The following ATP2B2 variants were observed in gnomAD, a reference collection of about 807,000 sequenced individuals.
ATP2B2 encodes the protein ATPase plasma membrane Ca2+ transporting 2, also known as plasma membrane calcium-transporting ATPase 2.
A neutral mutation model predicts 120.0 loss-of-function variants in ATP2B2; 15 were observed. The ratio of observed to expected loss-of-function variants is 0.12; its 90% CI spans 0.08 to 0.19. ATP2B2 has a LOEUF of 0.19. Among genes scored for constraint, ATP2B2 ranks in the 10% least tolerant of loss-of-function variants. ATP2B2 has a pLI of 1.00. For missense variants in ATP2B2, 1,045 were observed against 1,719.8 expected, an observed-to-expected ratio of 0.61 and a Z score of 6.94; for synonymous variants, 694 against 700.3, an observed-to-expected ratio of 0.99 and a Z score of 0.14.
intron 6 of ATP2B2, among the ~76,000 whole-genome samples, chr3:10,386,801 C>T (rs2061694708): frequency 6.6e-6 from 1 of 152,236 alleles, no homozygotes; most frequent in South Asian, 2.1e-4. Context: ...TCCCCATCTT[C>T]CTTCTACATG....
At chr3:10,601,712 G>A (rs1161398815) in intron 2 of ATP2B2, among the ~76,000 whole-genome samples, 1 of 152,196 alleles carries the variant, frequency 6.6e-6, no homozygotes, top group African/African-American at 2.4e-5. Flanking sequence ...GGAACGCCCA[G>A]GAGCCTGCAT....
intron 1 of ATP2B2, among the ~76,000 whole-genome samples, chr3:10,498,248 C>T (rs1438741483): frequency 1.3e-5 from 2 of 152,228 alleles, no homozygotes; most frequent in African/African-American, 4.8e-5. Context: ...TGCAGCTGGT[C>T]AGCGGCCAGG....
At chr3:10,645,411 G>A (rs2070296846) in intron 1 of ATP2B2, among the ~76,000 whole-genome samples, 1 of 152,160 alleles carries the variant, frequency 6.6e-6, no homozygotes. Context: ...GGGCTTATCA[G>A]AGAGTGTCTT....
rs1462328452 is a variant in ATP2B2 at position 10,324,289 on chromosome 3, G to A, written c.*4525C>T. The A allele has an allele frequency of 6.6e-6, 1 of 152,038 alleles. No homozygotes were observed. The highest frequency in any genetic ancestry group is 2.4e-5 in the African/African-American group (1 of 41,368). The allele number at this position is 152,038 out of a possible 1,614,324, so 9.4% of individuals were successfully genotyped here. On this transcript the variant is annotated 3_prime_UTR_variant, in exon 23 of 23. Transcript: ENST00000360273. ...AGCAAAGTGTGGTGACCCCCGAGAG[G>A]AAAGGTCCAGGAGGGAGAGCACCAC...
intron 12 of ATP2B2, among the ~76,000 whole-genome samples, chr3:10,370,801 C>T (rs1017236341): frequency 2.6e-5 from 4 of 152,186 alleles, no homozygotes; most frequent in African/African-American, 9.7e-5. Context: ...CTTAGCTGAT[C>T]ACCCAGATGC....
intron 1 of ATP2B2, among the ~76,000 whole-genome samples, chr3:10,495,918 C>T (rs1014246574): frequency 2.6e-5 from 4 of 152,228 alleles, no homozygotes; most frequent in Non-Finnish European, 5.9e-5. Context: ...CCTGGGGCTG[C>T]CTCCGCCTCC....
At position 10,340,677 on chromosome 3, in the gene ATP2B2, C is replaced by T. The variant is rs1403379381; in HGVS notation, c.2945G>A (p.Gly982Glu). Residue 982 changes from glycine to glutamate, a missense_variant, in exon 20 of 23, where the codon GGG becomes GAG. By Grantham distance (98) the Gly-to-Glu change is moderately conservative. Coordinates refer to ENST00000360273, the MANE Select transcript of ATP2B2 (RefSeq NM_001001331.4). The surrounding 1 kb of genome is among the most constrained non-coding windows in gnomAD (Gnocchi z 5.0). ...VGEKMFQIDSGRNAPLHSPPS... is the reference protein window; with the variant it reads ...VGEKMFQIDSERNAPLHSPPS... ...TGGCGAATGCAGGGGCGCGTTCCTC[C>T]CGCTGTCGATCTGGAACATCTTCTC... The T allele has an allele frequency of 6.2e-7, 1 of 1,614,100 alleles. No individual in the cohort carries two copies. The highest frequency in any genetic ancestry group is 1.7e-5 in the Admixed American group (1 of 60,016).
At chr3:10,332,556 T>G (rs185747550) in intron 22 of ATP2B2, among the ~76,000 whole-genome samples, 1 of 152,118 alleles carries the variant, frequency 6.6e-6, no homozygotes, top group East Asian at 1.9e-4. Context: ...GCCACGCTGG[T>G]AGAAGTTCAA....
chr3:10,328,733 G>T lies in ATP2B2; in HGVS notation c.*81C>A. On this transcript the variant is annotated 3_prime_UTR_variant, in exon 23 of 23. Transcript: ENST00000360273. ...TGCTCGTTGCTGCTTGGGTGAGTTG[G>T]GTGCCTGGATGGATGGGTGCCCGGA... is the stretch of plus-strand genomic sequence containing the variant. The T allele has an allele frequency of 7.0e-7, 1 of 1,420,436 alleles. No individual in the cohort carries two copies. Among genetic ancestry groups the T allele is most frequent in the Non-Finnish European group, 9.5e-7 (1 of 1,047,340 alleles). The allele number at this position is 1,420,436 out of a possible 1,614,324, so 88.0% of individuals were successfully genotyped here. A position where few individuals can be genotyped will look rare whatever the true frequency, so the allele number is the denominator to read the frequency against.
At chr3:10,446,505 A>G (rs750590166) in intron 2 of ATP2B2, among the ~76,000 whole-genome samples, 1 of 152,180 alleles carries the variant, frequency 6.6e-6, no homozygotes, top group Non-Finnish European at 1.5e-5. Context: ...TGATTTACAG[A>G]TGAAGAAACG....
intron 1 of ATP2B2, among the ~76,000 whole-genome samples, chr3:10,648,374 C>A (rs67933777): frequency 0.31 from 46,556 of 152,008 alleles, 10,648 homozygotes; most frequent in African/African-American, 0.64. Flanking sequence ...TTTCTCTGTC[C>A]CCTTTGTGGA....
At chr3:10,659,528 T>C (rs1215239517) in intron 1 of ATP2B2, among the ~76,000 whole-genome samples, 1 of 152,094 alleles carries the variant, frequency 6.6e-6, no homozygotes, top group African/African-American at 2.4e-5. Context: ...AGGGATCAAT[T>C]CAACAAGAAG....
intron 1 of ATP2B2, among the ~76,000 whole-genome samples, chr3:10,687,759 G>A (rs753245451): frequency 6.6e-6 from 1 of 152,122 alleles, no homozygotes; most frequent in Non-Finnish European, 1.5e-5. Flanking sequence ...TACTTGGGAG[G>A]CTGAGGCCTG....
intron 3 of ATP2B2, among the ~76,000 whole-genome samples, chr3:10,514,187 T>C (rs949047661): frequency 1.1e-4 from 17 of 152,176 alleles, no homozygotes; most frequent in African/African-American, 3.9e-4. Flanking sequence ...CTCAGGCAGC[T>C]GGCTCCTTAG....
At chr3:10,386,334 G>T in intron 7 of ATP2B2, 146 bp downstream of exon 7, 3 of 837,116 alleles carry the variant, frequency 3.6e-6, no homozygotes, top group East Asian at 2.6e-5. Context: ...TCACAGGAGG[G>T]CACAAAGGAG....
intron 14 of ATP2B2, among the ~76,000 whole-genome samples, chr3:10,355,550 T>C (rs1408892114): frequency 1.3e-5 from 2 of 152,308 alleles, no homozygotes; most frequent in East Asian, 1.9e-4. Flanking sequence ...TCCCATTTCA[T>C]AGCTGAGAAC....
At chr3:10,512,309 G>A (rs1559431129) in intron 3 of ATP2B2, among the ~76,000 whole-genome samples, 1 of 152,066 alleles carries the variant, frequency 6.6e-6, no homozygotes, top group Non-Finnish European at 1.5e-5. Flanking sequence ...GACTCACTGG[G>A]TGGCCAACAC....
chr3:10,616,319 A>G (rs1008558210), intron 2 of ATP2B2, among the ~76,000 whole-genome samples: 1 of 152,258 alleles, frequency 6.6e-6, no homozygotes, highest in Non-Finnish European at 1.5e-5. Flanking sequence ...ATTTGAGCAC[A>G]GACATATTCA....
chr3:10,498,648 G>A (rs968527696), intron 1 of ATP2B2, among the ~76,000 whole-genome samples: 5 of 152,328 alleles, frequency 3.3e-5, no homozygotes, highest in Middle Eastern at 3.4e-3. Flanking sequence ...TAGCCCAGCC[G>A]GCACAGGAAA....
Sources: gnomAD v4.1 joint callset for allele counts (sites outside exome capture counted in the v4.1 genomes callset) on GRCh38, gnomAD v4.1.1 for gene constraint, Gnocchi (gnomAD v3.1) non-coding constraint, MANE v1.5 for transcripts, NCBI Gene and HGNC (gene_info 2026-07-23, HGNC 2026-07-21) for gene names.